The following ANK2 variants were observed in gnomAD, a reference collection of about 807,000 sequenced individuals.
ANK2 encodes ankyrin-2.
A neutral mutation model predicts 360.5 loss-of-function variants in ANK2; 83 were observed. The observed-to-expected ratio is 0.23, with a 90% confidence interval of 0.19 to 0.28. The LOEUF is 0.28. Ranked by LOEUF, ANK2 falls within the 10% of genes least tolerant of loss-of-function variation. ANK2 has a pLI of 1.00. For synonymous variants in ANK2, 1,740 were observed against 1,759.5 expected, an observed-to-expected ratio of 0.99 and a Z score of 0.28; for missense variants, 4,201 against 4,795.7, an observed-to-expected ratio of 0.88 and a Z score of 3.66.
At chr4:112,865,119 C>G (rs964492254) in intron 1 of ANK2, among the ~76,000 whole-genome samples, 5 of 131,588 alleles carry the variant, frequency 3.8e-5, no homozygotes, top group African/African-American at 1.1e-4. Flanking sequence ...ATTAGTGCAA[C>G]ATGTGGATTA....
chr4:112,831,974 C>T (rs181787081), intron 1 of ANK2, among the ~76,000 whole-genome samples: 1 of 152,284 alleles, frequency 6.6e-6, no homozygotes, highest in African/African-American at 2.4e-5. Flanking sequence ...GGAAAAAACT[C>T]CAGACGCACC....
chr4:112,720,847 A>G, the ANK2 span, among the ~76,000 whole-genome samples: 7 of 152,256 alleles, frequency 4.6e-5, no homozygotes, highest in Admixed American at 3.3e-4. Context: ...GTCATTATAC[A>G]TTAAAAAGAA....
the ANK2 span, among the ~76,000 whole-genome samples, chr4:112,708,531 A>G: frequency 6.6e-6 from 1 of 152,198 alleles, no homozygotes; most frequent in East Asian, 1.9e-4. Context: ...ACTAATTTCA[A>G]TGAAACTATG....
chr4:113,241,371 T>C (rs2039772479), intron 8 of ANK2, among the ~76,000 whole-genome samples: 1 of 152,208 alleles, frequency 6.6e-6, no homozygotes, highest in East Asian at 1.9e-4. Context: ...AGGGTCTGGC[T>C]CTGTTGCCCA....
At chr4:113,004,077 A>G (rs538387424) in intron 2 of ANK2, among the ~76,000 whole-genome samples, 1 of 152,336 alleles carries the variant, frequency 6.6e-6, no homozygotes, top group Non-Finnish European at 1.5e-5. Context: ...TCAGTGAGTG[A>G]GTGGTGAGTG....
At chr4:113,066,672 G>T (rs2075724626) in intron 1 of ANK2, among the ~76,000 whole-genome samples, 1 of 152,120 alleles carries the variant, frequency 6.6e-6, no homozygotes, top group South Asian at 2.1e-4. Context: ...GTACTTCTGG[G>T]AGAAAGTGGA....
At chr4:112,988,561 C>T (rs2045707757) in intron 2 of ANK2, among the ~76,000 whole-genome samples, 1 of 152,154 alleles carries the variant, frequency 6.6e-6, no homozygotes, top group Admixed American at 6.5e-5. Flanking sequence ...TGCTACAGGC[C>T]AGTCCAATGT....
At position 113,166,230 on chromosome 4, in the gene ANK2, A is replaced by T. The variant is rs192975830; in HGVS notation, c.85-8186A>T. Among the ~76,000 whole-genome samples, 406 of 152,254 alleles carry T rather than the reference A, an allele frequency of 2.7e-3. 1 individual carries two copies. Among genetic ancestry groups the T allele is most frequent in the African/African-American group, 9.5e-3 (393 of 41,570 alleles). Reference sequence around the variant, plus strand: ...GTTAAAGTTCCCATTTTAGTGAAAGATTTTGTTGCCTCATTGTCATTAACA... The same window carrying T: ...GTTAAAGTTCCCATTTTAGTGAAAGTTTTTGTTGCCTCATTGTCATTAACA... On this transcript the variant is annotated intron_variant, in intron 1 of 45. Coordinates refer to ENST00000357077, the MANE Select transcript of ANK2 (RefSeq NM_001148.6).
At chr4:113,335,416 A>G (rs2093389483) in intron 29 of ANK2, among the ~76,000 whole-genome samples, 1 of 152,210 alleles carries the variant, frequency 6.6e-6, no homozygotes, top group Non-Finnish European at 1.5e-5. Context: ...TAAAACCACA[A>G]TAACTTGGAT....
In ANK2 at chr4:113,353,347, A is replaced by G. The variant is rs1554550403; in HGVS notation, c.4729A>G (p.Ser1577Gly). The G allele has an allele frequency of 6.2e-7, 1 of 1,614,086 alleles. No individual in the cohort carries two copies. Among genetic ancestry groups the G allele is most frequent in the Admixed American group, 1.7e-5 (1 of 60,016 alleles). Reference sequence around the variant, plus strand: ...TGGAACCTGCACAAGAGATGAAAGCAGTGTGCAGAGCTCTCGGTCTGAGAG... The same window carrying G: ...TGGAACCTGCACAAGAGATGAAAGCGGTGTGCAGAGCTCTCGGTCTGAGAG... ...RSGTCTRDES[S>G]VQSSRSERGL... Residue 1577 changes from serine to glycine, a missense_variant, in exon 38 of 46, where the codon AGT becomes GGT. By Grantham distance (56) the Ser-to-Gly change is moderately conservative. This residue lies in a region of ANK2 where 1,268 missense variants were observed against 1,650.8 expected (regional missense o/e 0.77). Transcript: ENST00000357077.
the ANK2 span, among the ~76,000 whole-genome samples, chr4:112,751,302 A>G: frequency 6.6e-6 from 1 of 152,204 alleles, no homozygotes; most frequent in Non-Finnish European, 1.5e-5. Context: ...AAGAGAAGAA[A>G]CACTCGGCCC....
chr4:113,094,463 T>A (rs1425961685), intron 1 of ANK2, among the ~76,000 whole-genome samples: 2 of 152,060 alleles, frequency 1.3e-5, no homozygotes, highest in Non-Finnish European at 2.9e-5. Flanking sequence ...AAACAATACA[T>A]CCAGCACTAA....
intron 4 of ANK2, among the ~76,000 whole-genome samples, chr4:113,204,754 G>T (rs890960651): frequency 6.6e-6 from 1 of 152,012 alleles, no homozygotes; most frequent in Non-Finnish European, 1.5e-5. Context: ...CCTTCTACTT[G>T]AATTAGGGAA....
At chr4:113,109,547 C>T (rs771498216) in intron 1 of ANK2, among the ~76,000 whole-genome samples, 3 of 152,140 alleles carry the variant, frequency 2.0e-5, no homozygotes, top group Non-Finnish European at 4.4e-5. Context: ...TTGGACTGTG[C>T]ACCTTGTGTG....
At chr4:112,964,162 T>A (rs991268985) in intron 2 of ANK2, among the ~76,000 whole-genome samples, 2 of 149,722 alleles carry the variant, frequency 1.3e-5, no homozygotes, top group Non-Finnish European at 3.0e-5. Flanking sequence ...GATACAGGCA[T>A]GCAGTAAGCA....
At chr4:113,002,478 T>C (rs1014666553) in intron 2 of ANK2, among the ~76,000 whole-genome samples, 1 of 151,044 alleles carries the variant, frequency 6.6e-6, no homozygotes, top group Non-Finnish European at 1.5e-5. Flanking sequence ...AACCAAACAC[T>C]GCATATTCTC....
At chr4:112,716,144 C>A in the ANK2 span, among the ~76,000 whole-genome samples, 1 of 152,148 alleles carries the variant, frequency 6.6e-6, no homozygotes, top group Non-Finnish European at 1.5e-5. Flanking sequence ...TGCACAGCCC[C>A]CCTAGTTCCT....
chr4:112,936,915 G>T (rs1236171609), intron 2 of ANK2, among the ~76,000 whole-genome samples: 1 of 152,170 alleles, frequency 6.6e-6, no homozygotes, highest in East Asian at 1.9e-4. Context: ...GGCCTCCCAA[G>T]AAGTTGGGAC....
chr4:112,768,979 T>A, the ANK2 span, among the ~76,000 whole-genome samples: 6 of 152,200 alleles, frequency 3.9e-5, no homozygotes, highest in African/African-American at 1.4e-4. Flanking sequence ...CAAAGTTCAT[T>A]GGCTTAAAAT....
Sources: allele counts gnomAD v4.1 joint callset (sites outside exome capture counted in the v4.1 genomes callset), GRCh38; gene constraint gnomAD v4.1.1; regional missense constraint gnomAD v4.1.1; transcripts MANE v1.5; gene names NCBI Gene and HGNC (gene_info 2026-07-23, HGNC 2026-07-21).